PIEZO2: variants seen among roughly 807,000 people sequenced by gnomAD.
The protein encoded by PIEZO2 is piezo-type mechanosensitive ion channel component 2.
PIEZO2 carries 172 observed loss-of-function variants against 337.3 expected under a neutral mutation model. That is an observed-to-expected ratio of 0.51 (90% CI 0.45 to 0.58). PIEZO2 has a LOEUF of 0.58. Ranked by LOEUF, PIEZO2 falls within the 20% of genes least tolerant of loss-of-function variation. The probability of loss-of-function intolerance (pLI) is 0.00; values close to 1 mark genes in which losing one functional copy is unlikely to be tolerated. For missense variants in PIEZO2, 3,028 were observed against 3,391.3 expected, an observed-to-expected ratio of 0.89 and a Z score of 2.66; for synonymous variants, 1,251 against 1,228.5, an observed-to-expected ratio of 1.02 and a Z score of -0.38.
chr18:10,880,036 C>T (rs1166868740), intron 4 of PIEZO2, among the ~76,000 whole-genome samples: 5 of 152,138 alleles, frequency 3.3e-5, no homozygotes, highest in African/African-American at 4.8e-5. Flanking sequence ...ATACAATTAA[C>T]GGTATTGGTA....
In PIEZO2 at chr18:10,952,420, C is replaced by A. The variant is rs1441674102; in HGVS notation, c.286+27115G>T. 6.6e-6 allele frequency among the ~76,000 whole-genome samples: 1 copy of A among 152,196 alleles called. No homozygotes were observed. Among genetic ancestry groups the A allele is most frequent in the Non-Finnish European group, 1.5e-5 (1 of 68,044 alleles). Reference sequence around the variant, plus strand: ...CCACCCCATGGTGAGCAATGATGCACTTTCTACCCTTACAGTTTCACTAAT... The same window carrying A: ...CCACCCCATGGTGAGCAATGATGCAATTTCTACCCTTACAGTTTCACTAAT... On this transcript the variant is annotated intron_variant, in intron 3 of 55. Coordinates refer to ENST00000674853, the MANE Select transcript of PIEZO2 (RefSeq NM_001378183.1). This position sits in a 1 kb window ranked among gnomAD's most constrained non-coding sequence, Gnocchi z 4.1.
chr18:10,699,225 AC>A (rs1207064327), intron 43 of PIEZO2, 48 bp from the exon 44 acceptor site: 12 of 1,533,216 alleles, frequency 7.8e-6, no homozygotes, highest in Non-Finnish European at 1.0e-5. Context: ...TTCAGGTGGA[AC>A]CCTTGGTATT....
rs965178254 is a variant in PIEZO2, at chr18:10,748,076, C to T, written c.4424+395G>A. On this transcript the variant is annotated intron_variant, in intron 30 of 55. Coordinates refer to ENST00000674853, the MANE Select transcript of PIEZO2 (RefSeq NM_001378183.1). This position sits in a 1 kb window ranked among gnomAD's most constrained non-coding sequence, Gnocchi z 5.1. Reference sequence around the variant, plus strand: ...AAACAGGTAGTAATGCAAATTGTGTCAGTGGCTCAGAGAAGAAAAGCAGGT... The same window carrying T: ...AAACAGGTAGTAATGCAAATTGTGTTAGTGGCTCAGAGAAGAAAAGCAGGT... Among the ~76,000 whole-genome samples, 1 of 152,096 alleles carries T rather than the reference C, an allele frequency of 6.6e-6. No individual in the cohort carries two copies. Among genetic ancestry groups the T allele is most frequent in the South Asian group, 2.1e-4 (1 of 4,830 alleles).
intron 3 of PIEZO2, among the ~76,000 whole-genome samples, chr18:10,925,919 C>T (rs980896380): frequency 2.0e-5 from 3 of 152,050 alleles, no homozygotes; most frequent in African/African-American, 4.8e-5. Flanking sequence ...CCAAAAGTGA[C>T]GGATGAACTG....
intron 1 of PIEZO2, among the ~76,000 whole-genome samples, chr18:11,103,647 T>C (rs1238910428): frequency 2.0e-5 from 3 of 152,086 alleles, no homozygotes; most frequent in Admixed American, 2.0e-4. Context: ...CAGTGACAGG[T>C]CATAGAAAAC....
At chr18:10,758,834 G>A (rs1418031263) in intron 26 of PIEZO2, among the ~76,000 whole-genome samples, 1 of 152,226 alleles carries the variant, frequency 6.6e-6, no homozygotes, top group East Asian at 1.9e-4. Context: ...CAGCCTGAGA[G>A]AGCTGTCCTC....
chr18:10,849,661 G>A (rs1323112796), intron 7 of PIEZO2, among the ~76,000 whole-genome samples: 1 of 152,228 alleles, frequency 6.6e-6, no homozygotes, highest in African/African-American at 2.4e-5. Context: ...CGAGCTGGGG[G>A]AAACCGAACA....
At chr18:10,770,733 CCCTTCCTT>C (rs371395751) in intron 20 of PIEZO2, among the ~76,000 whole-genome samples, 8 of 138,668 alleles carry the variant, frequency 5.8e-5, no homozygotes, top group South Asian at 2.4e-4. Flanking sequence ...CACCCTCCCT[CCCTTCCTT>C]CCTTCCTTCC....
At chr18:10,884,901 T>C (rs1439503378) in intron 4 of PIEZO2, among the ~76,000 whole-genome samples, 2 of 151,552 alleles carry the variant, frequency 1.3e-5, no homozygotes, top group Admixed American at 6.6e-5. Flanking sequence ...AGCATGAACT[T>C]TGGACTTAAA....
At chr18:10,756,115 G>C (rs1172719270) in intron 27 of PIEZO2, among the ~76,000 whole-genome samples, 1 of 145,742 alleles carries the variant, frequency 6.9e-6, no homozygotes, top group African/African-American at 2.6e-5. Context: ...GGGATGAGGA[G>C]GAAAGATGGA....
chr18:11,056,721 G>A (rs1050315020), intron 2 of PIEZO2, among the ~76,000 whole-genome samples: 4 of 151,878 alleles, frequency 2.6e-5, no homozygotes, highest in Admixed American at 6.6e-5. Flanking sequence ...AGACCTTCAG[G>A]AGAAGGTCCA....
chr18:10,698,173 G>T, intron 44 of PIEZO2, among the ~76,000 whole-genome samples: 1 of 152,212 alleles, frequency 6.6e-6, no homozygotes, highest in East Asian at 1.9e-4. Flanking sequence ...GGATGCAGGT[G>T]TTCCAGATAG....
chr18:10,683,227 C>T (rs541069720), intron 49 of PIEZO2, among the ~76,000 whole-genome samples: 2 of 152,370 alleles, frequency 1.3e-5, no homozygotes, highest in South Asian at 2.1e-4. Flanking sequence ...CTAACATTTA[C>T]CCATAGGCAC....
At chr18:10,732,768 G>A (rs1331437346) in intron 35 of PIEZO2, among the ~76,000 whole-genome samples, 4 of 152,180 alleles carry the variant, frequency 2.6e-5, no homozygotes, top group Non-Finnish European at 5.9e-5. Flanking sequence ...TATTGGCTAT[G>A]TTAATTGGGT....
chr18:11,066,173 G>A lies in PIEZO2; in HGVS notation c.114C>T (p.Leu38=). The change falls in exon 2 of 56, where the codon CTC becomes CTT. Residue 38 remains leucine (L), a synonymous_variant. Coordinates refer to ENST00000674853, the MANE Select transcript of PIEZO2 (RefSeq NM_001378183.1). ...NGLSFVYLIY[L]LLIPLFSEPT... is the part of the protein sequence containing the mutation. ...GTTCTGAGAACAGAGGAATGAGCAAGAGGTAGATAAGGTAGACAAAGGAGA... is the reference window on the plus strand; with the variant it reads ...GTTCTGAGAACAGAGGAATGAGCAAAAGGTAGATAAGGTAGACAAAGGAGA... 2 of 1,536,888 alleles carry A rather than the reference G, an allele frequency of 1.3e-6. No homozygotes were observed. Among genetic ancestry groups the A allele is most frequent in the Non-Finnish European group, 8.7e-7 (1 of 1,146,672 alleles).
At chr18:10,719,847 G>C (rs2036181829) in intron 36 of PIEZO2, among the ~76,000 whole-genome samples, 1 of 152,004 alleles carries the variant, frequency 6.6e-6, no homozygotes, top group East Asian at 1.9e-4. Context: ...TTACAAAAAG[G>C]ATATAAGGTG....
intron 7 of PIEZO2, among the ~76,000 whole-genome samples, chr18:10,825,639 C>T: frequency 6.7e-6 from 1 of 149,826 alleles, no homozygotes; most frequent in East Asian, 2.0e-4. Flanking sequence ...CAACCTTTGC[C>T]TCCTGGGATC....
chr18:10,926,137 A>C (rs264268), intron 3 of PIEZO2, among the ~76,000 whole-genome samples: 96,602 of 152,116 alleles, frequency 0.64, 31,358 homozygotes, highest in African/African-American at 0.77. Context: ...CTACACGAGT[A>C]GACTTGAGTC....
chr18:10,729,729 A>G (rs2036690762), intron 36 of PIEZO2, among the ~76,000 whole-genome samples: 1 of 152,104 alleles, frequency 6.6e-6, no homozygotes. Flanking sequence ...GTTACTAATG[A>G]GTGAATATTC....
Sources: gnomAD v4.1 joint callset for allele counts (sites outside exome capture counted in the v4.1 genomes callset) on GRCh38, gnomAD v4.1.1 for gene constraint, Gnocchi (gnomAD v3.1) non-coding constraint, MANE v1.5 for transcripts, NCBI Gene and HGNC (gene_info 2026-07-23, HGNC 2026-07-21) for gene names.